Variants in PDE4B observed in about 807,000 individuals in gnomAD.
PDE4B encodes the protein phosphodiesterase 4B.
Under a neutral mutation model 82.2 loss-of-function variants are expected in PDE4B, and 20 were observed. The ratio of observed to expected loss-of-function variants is 0.24; its 90% confidence interval spans 0.17 to 0.35. The LOEUF is 0.35. PDE4B is among the 10% of genes least tolerant of loss of function. The pLI is 1.00. For missense variants in PDE4B, 655 were observed against 907.2 expected, an observed-to-expected ratio of 0.72 and a Z score of 3.57; for synonymous variants, 320 against 318.9, an observed-to-expected ratio of 1.00 and a Z score of -0.04.
intron 8 of PDE4B, among the ~76,000 whole-genome samples, chr1:66,348,135 A>T (rs1004400803): frequency 6.6e-6 from 1 of 152,302 alleles, no homozygotes; most frequent in African/African-American, 2.4e-5. Context: ...AAATGTTTCA[A>T]AATAAACCTT....
intron 3 of PDE4B, among the ~76,000 whole-genome samples, chr1:66,094,133 G>A (rs1645073806): frequency 6.6e-6 from 1 of 152,130 alleles, no homozygotes; most frequent in African/African-American, 2.4e-5. Context: ...CCTCCCTGAG[G>A]CAGTGAAATC....
At chr1:66,339,036 A>AG (rs1447514894) in intron 8 of PDE4B, among the ~76,000 whole-genome samples, 44 of 151,716 alleles carry the variant, frequency 2.9e-4, no homozygotes, top group African/African-American at 1.1e-3. Flanking sequence ...AAAAAAAAAA[A>AG]AGAGATAAGT....
intron 3 of PDE4B, among the ~76,000 whole-genome samples, chr1:66,198,635 G>GT (rs1648552602): frequency 6.6e-6 from 1 of 152,058 alleles, no homozygotes; most frequent in Non-Finnish European, 1.5e-5. Flanking sequence ...TATGCTTTAA[G>GT]TTTTAGGGTA....
intron 2 of PDE4B, among the ~76,000 whole-genome samples, chr1:65,915,241 C>G (rs1455663038): frequency 6.6e-6 from 1 of 152,026 alleles, no homozygotes; most frequent in Non-Finnish European, 1.5e-5. Flanking sequence ...AAAATTATTC[C>G]AACAAACTAC....
intron 8 of PDE4B, among the ~76,000 whole-genome samples, chr1:66,343,147 G>A (rs1455924417): frequency 6.6e-6 from 1 of 152,158 alleles, no homozygotes; most frequent in Non-Finnish European, 1.5e-5. Flanking sequence ...AATCATTTGT[G>A]TATAAAAAGG....
intron 3 of PDE4B, among the ~76,000 whole-genome samples, chr1:65,973,952 G>A (rs1352533987): frequency 6.6e-6 from 1 of 151,838 alleles, no homozygotes; most frequent in African/African-American, 2.4e-5. Context: ...AGCTGGGACT[G>A]CAGGTGCATG....
At chr1:66,287,060 C>T (rs1049358773) in intron 7 of PDE4B, among the ~76,000 whole-genome samples, 6 of 152,168 alleles carry the variant, frequency 3.9e-5, no homozygotes, top group African/African-American at 1.4e-4. Flanking sequence ...TTCTAAATTA[C>T]AGTCCCAGTC....
intron 3 of PDE4B, among the ~76,000 whole-genome samples, chr1:66,216,248 A>G (rs919831371): frequency 5.3e-5 from 8 of 151,140 alleles, no homozygotes; most frequent in Non-Finnish European, 8.8e-5. Flanking sequence ...AAAATATCCT[A>G]TCTATTTCAA....
intron 3 of PDE4B, among the ~76,000 whole-genome samples, chr1:66,210,667 A>G (rs1346393396): frequency 1.3e-5 from 2 of 151,784 alleles, no homozygotes; most frequent in Admixed American, 6.6e-5. Flanking sequence ...ATCTATGAAC[A>G]GGGGAGAGGG....
chr1:65,918,493 A>G (rs1647186929), intron 2 of PDE4B, 104 bp from the exon 3 acceptor site: 1 of 689,030 alleles, frequency 1.5e-6, no homozygotes, highest in Non-Finnish European at 2.6e-6. Flanking sequence ...TAATCAGGAC[A>G]TCATAAGTGA....
chr1:65,931,419 T>C (rs1647826469), intron 3 of PDE4B, among the ~76,000 whole-genome samples: 1 of 152,174 alleles, frequency 6.6e-6, no homozygotes, highest in East Asian at 1.9e-4. Flanking sequence ...CAAAATATCC[T>C]ACAGACTGGC....
intron 3 of PDE4B, among the ~76,000 whole-genome samples, chr1:66,085,820 C>T (rs187781981): frequency 2.0e-5 from 3 of 152,156 alleles, no homozygotes; most frequent in Admixed American, 1.3e-4. Flanking sequence ...GGAATCATGA[C>T]AAGCTTTGCC....
intron 7 of PDE4B, among the ~76,000 whole-genome samples, chr1:66,291,692 A>G (rs370449763): frequency 6.6e-6 from 1 of 152,174 alleles, no homozygotes; most frequent in African/African-American, 2.4e-5. Context: ...ATGTGCTGAC[A>G]CATGTGACAG....
intron 7 of PDE4B, among the ~76,000 whole-genome samples, chr1:66,278,196 A>G (rs1656034571): frequency 6.6e-6 from 1 of 152,220 alleles, no homozygotes; most frequent in Non-Finnish European, 1.5e-5. Flanking sequence ...ATAAATTGTA[A>G]CTAAAAGAAG....
chr1:65,931,876 T>A (rs1647855099), intron 3 of PDE4B, among the ~76,000 whole-genome samples: 1 of 152,220 alleles, frequency 6.6e-6, no homozygotes, highest in Non-Finnish European at 1.5e-5. Flanking sequence ...TGGGCCTTTC[T>A]CTTTCCAGTC....
intron 3 of PDE4B, among the ~76,000 whole-genome samples, chr1:65,946,767 T>C (rs1311957817): frequency 2.0e-5 from 3 of 151,964 alleles, no homozygotes; most frequent in African/African-American, 7.2e-5. Context: ...TGCAGACCCA[T>C]TTGTTGCCTG....
At chr1:65,987,437 C>G (rs1201802446) in intron 3 of PDE4B, among the ~76,000 whole-genome samples, 2 of 152,136 alleles carry the variant, frequency 1.3e-5, no homozygotes, top group Non-Finnish European at 2.9e-5. Flanking sequence ...AGCAATATGA[C>G]TGGATCACCG....
chr1:66,354,943 A>G, intron 8 of PDE4B: 1 of 1,499,634 alleles, frequency 6.7e-7, no homozygotes, highest in East Asian at 2.5e-5. Flanking sequence ...TGTGAAACGT[A>G]CCTCTGTGTG....
chr1:66,311,434 C>A (rs1272636873), intron 7 of PDE4B, among the ~76,000 whole-genome samples: 1 of 152,280 alleles, frequency 6.6e-6, no homozygotes, highest in Non-Finnish European at 1.5e-5. Flanking sequence ...AGATAATCAG[C>A]CACTTTGCAG....
Sources: gnomAD v4.1 joint callset for allele counts (sites outside exome capture counted in the v4.1 genomes callset) on GRCh38, gnomAD v4.1.1 for gene constraint, MANE v1.5 for transcripts, NCBI Gene and HGNC (gene_info 2026-07-23, HGNC 2026-07-21) for gene names.